Variants in TOX observed in about 807,000 individuals in gnomAD.
TOX encodes thymocyte selection-associated high mobility group box protein TOX.
A neutral mutation model predicts 53.7 loss-of-function variants in TOX; 11 were observed. The ratio of observed to expected loss-of-function variants is 0.20; its 90% CI spans 0.13 to 0.34. The LOEUF (loss-of-function observed/expected upper bound fraction) is 0.34. Among genes scored for constraint, TOX ranks in the 10% least tolerant of loss-of-function variants. The pLI is 1.00. For missense variants in TOX, 570 were observed against 664.6 expected (o/e 0.86, Z 1.56); for synonymous variants, 225 against 245.3 (o/e 0.92, Z 0.77).
At chr8:58,874,349 GA>G (rs1243584037) in intron 3 of TOX, among the ~76,000 whole-genome samples, 2 of 152,022 alleles carry the variant, frequency 1.3e-5, no homozygotes, top group Non-Finnish European at 2.9e-5. Context: ...GAAAGAGTGA[GA>G]GATGTTTTGA....
intron 3 of TOX, among the ~76,000 whole-genome samples, chr8:58,880,247 G>A (rs1044226722): frequency 1.3e-5 from 2 of 152,200 alleles, no homozygotes; most frequent in African/African-American, 4.8e-5. Context: ...GTAGACAATG[G>A]CATTGCAGAG....
chr8:58,926,797 G>A (rs1812168521), intron 3 of TOX, among the ~76,000 whole-genome samples: 1 of 152,230 alleles, frequency 6.6e-6, no homozygotes, highest in Non-Finnish European at 1.5e-5. Flanking sequence ...AGTTAGAGCT[G>A]CAGAACCCTT....
chr8:58,842,507 C>T (rs1048526961), intron 4 of TOX, among the ~76,000 whole-genome samples: 1 of 152,108 alleles, frequency 6.6e-6, no homozygotes, highest in Non-Finnish European at 1.5e-5. Flanking sequence ...TCTGTTACAG[C>T]GGCACAAAAT....
At chr8:58,966,873 C>CT (rs550882424) in intron 1 of TOX, among the ~76,000 whole-genome samples, 7,396 of 123,646 alleles carry the variant, frequency 0.06, 361 homozygotes, top group Middle Eastern at 0.13. Flanking sequence ...TCAAGTTATT[C>CT]TTTTTTTTTT....
chr8:58,975,449 C>T (rs1045996623), intron 1 of TOX, among the ~76,000 whole-genome samples: 3 of 152,070 alleles, frequency 2.0e-5, no homozygotes, highest in African/African-American at 7.2e-5. Context: ...ACAGGTATAT[C>T]TAGGAAATAT....
chr8:59,008,774 G>A (rs182600892), intron 1 of TOX, among the ~76,000 whole-genome samples: 13 of 152,280 alleles, frequency 8.5e-5, no homozygotes, highest in African/African-American at 1.2e-4. Flanking sequence ...AAAACCCACT[G>A]GCAAATCTTC....
At chr8:59,102,237 G>A (rs1804819949) in intron 1 of TOX, among the ~76,000 whole-genome samples, 1 of 152,104 alleles carries the variant, frequency 6.6e-6, no homozygotes, top group African/African-American at 2.4e-5. Context: ...GTGTTTGTTT[G>A]TTTGTTTTCA....
At chr8:59,050,837 T>C (rs1311846720) in intron 1 of TOX, among the ~76,000 whole-genome samples, 1 of 152,190 alleles carries the variant, frequency 6.6e-6, no homozygotes, top group Non-Finnish European at 1.5e-5. Context: ...AAAGCTCTCA[T>C]TGCATTCTGC....
intron 2 of TOX, among the ~76,000 whole-genome samples, chr8:58,951,337 T>G (rs928927482): frequency 6.6e-6 from 1 of 152,186 alleles, no homozygotes; most frequent in African/African-American, 2.4e-5. Flanking sequence ...CTGAGAGCTA[T>G]TATTATTATA....
At chr8:58,892,748 A>G (rs570552499) in intron 3 of TOX, among the ~76,000 whole-genome samples, 3 of 152,134 alleles carry the variant, frequency 2.0e-5, no homozygotes, top group Non-Finnish European at 2.9e-5. Flanking sequence ...GATGTACTCT[A>G]TTGGGAATCA....
chr8:58,944,126 C>T (rs1344839652), intron 2 of TOX, among the ~76,000 whole-genome samples: 1 of 152,156 alleles, frequency 6.6e-6, no homozygotes, highest in African/African-American at 2.4e-5. Context: ...AAGAGAGTCG[C>T]GAGGTGTTGC....
At chr8:59,045,680 C>T (rs1563428513) in intron 1 of TOX, among the ~76,000 whole-genome samples, 1 of 152,166 alleles carries the variant, frequency 6.6e-6, no homozygotes, top group Non-Finnish European at 1.5e-5. Flanking sequence ...AACATCCAAA[C>T]CAGATAAGCA....
intron 1 of TOX, among the ~76,000 whole-genome samples, chr8:59,046,858 CAAAAAAAAAAAA>C (rs34869193): frequency 3.9e-5 from 3 of 77,908 alleles, no homozygotes; most frequent in South Asian, 5.1e-4. Flanking sequence ...GACTATGTCT[CAAAAAAAAAAAA>C]AAAAAAAAAA....
rs532235850 is a variant in TOX, at chr8:59,069,392, G to A, written c.102+49494C>T. The stretch of plus-strand genomic sequence containing the variant: ...ACAGGCTTGGGAGGAGAGGTGTTAT[G>A]TTTGATCTTGATTTAAGATGCAGGA... On this transcript the variant is annotated intron_variant, in intron 1 of 8. Coordinates refer to ENST00000361421, the MANE Select transcript of TOX (RefSeq NM_014729.3). Among the ~76,000 whole-genome samples the A allele has an allele frequency of 2.0e-5, 3 of 152,258 alleles. No homozygotes were observed. The East Asian group carries it at 5.8e-4, about 29-fold the overall frequency.
chr8:58,938,967 C>T (rs138149591), intron 3 of TOX, among the ~76,000 whole-genome samples: 327 of 152,224 alleles, frequency 2.1e-3, no homozygotes, highest in African/African-American at 7.3e-3. Context: ...GAGGAATCCT[C>T]CACTGGATGA....
chr8:58,826,216 G>A (rs1473647783), intron 6 of TOX, among the ~76,000 whole-genome samples: 1 of 152,168 alleles, frequency 6.6e-6, no homozygotes, highest in African/African-American at 2.4e-5. Flanking sequence ...AGTGTCTAAT[G>A]CTTATAGACT....
chr8:58,836,946 C>T lies in TOX; in HGVS notation c.924+1135G>A, dbSNP rs1810556159. The stretch of plus-strand genomic sequence containing the variant: ...AATGAATGAATTTAATTTATATGGC[C>T]CCATTTTGTAATCTGCAAAATTTGG... On this transcript the variant is annotated intron_variant, in intron 5 of 8. Coordinates refer to ENST00000361421, the MANE Select transcript of TOX (RefSeq NM_014729.3). 2.0e-5 allele frequency among the ~76,000 whole-genome samples: 3 copies of T among 151,992 alleles called. No individual in the cohort carries two copies. In the South Asian group the frequency reaches 6.2e-4, roughly 32 times the overall value.
At chr8:59,039,632 A>AT (rs1296853695) in intron 1 of TOX, among the ~76,000 whole-genome samples, 11 of 151,658 alleles carry the variant, frequency 7.3e-5, no homozygotes, top group Admixed American at 1.3e-4. Context: ...TCCATTGTCC[A>AT]TTTTTTTCTC....
intron 1 of TOX, among the ~76,000 whole-genome samples, chr8:59,053,563 C>G (rs907320209): frequency 2.0e-5 from 3 of 152,144 alleles, no homozygotes; most frequent in African/African-American, 7.2e-5. Flanking sequence ...ATGTTCTGTT[C>G]TGTACTGACA....
Sources: gnomAD v4.1 joint callset for allele counts (sites outside exome capture counted in the v4.1 genomes callset) on GRCh38, gnomAD v4.1.1 for gene constraint, MANE v1.5 for transcripts, NCBI Gene and HGNC (gene_info 2026-07-23, HGNC 2026-07-21) for gene names.